RNGTT: variants seen among roughly 807,000 people sequenced by gnomAD.
RNGTT encodes the protein mRNA-capping enzyme.
In RNGTT, 33 loss-of-function variants were observed where a neutral mutation model predicts 79.3. The observed-to-expected ratio is 0.42, with a 90% CI of 0.32 to 0.56. The LOEUF is 0.56. Among genes scored for constraint, RNGTT ranks in the 20% least tolerant of loss-of-function variants. RNGTT has a pLI of 0.17. For synonymous variants in RNGTT, 222 were observed against 235.9 expected (o/e 0.94, Z 0.54); for missense variants, 497 against 739.1 (o/e 0.67, Z 3.80).
chr6:88,828,872 G>C (rs1288003265), intron 11 of RNGTT, among the ~76,000 whole-genome samples: 1 of 151,982 alleles, frequency 6.6e-6, no homozygotes, highest in Non-Finnish European at 1.5e-5. Flanking sequence ...AAGCCTCCAA[G>C]AAATATGGGA....
At chr6:88,959,365 G>A (rs1330337524) in intron 1 of RNGTT, among the ~76,000 whole-genome samples, 2 of 152,178 alleles carry the variant, frequency 1.3e-5, no homozygotes, top group South Asian at 2.1e-4. Context: ...ACATAAAAAT[G>A]TTTTTTAAAA....
chr6:88,705,283 A>G lies in RNGTT; in HGVS notation c.1440-26864T>C, dbSNP rs150294613. 3.1e-4 allele frequency among the ~76,000 whole-genome samples: 47 copies of G among 152,306 alleles called. No individual in the cohort carries two copies. The East Asian group carries it at 7.9e-3, about 26-fold the overall frequency. On this transcript the variant is annotated intron_variant, in intron 13 of 15. Coordinates refer to ENST00000369485, the MANE Select transcript of RNGTT (RefSeq NM_003800.5). The stretch of plus-strand genomic sequence containing the variant: ...CGGTAGATAAGAAAAAGCAACACAA[A>G]CAAAAAATGACACATATCTCCTTGT...
intron 12 of RNGTT, among the ~76,000 whole-genome samples, chr6:88,795,070 T>C (rs554213517): frequency 6.6e-6 from 1 of 152,328 alleles, no homozygotes; most frequent in Non-Finnish European, 1.5e-5. Flanking sequence ...CAAAGGTGTA[T>C]CACTTCTGAC....
chr6:88,787,485 C>T (rs1239228218), intron 12 of RNGTT, among the ~76,000 whole-genome samples: 2 of 152,028 alleles, frequency 1.3e-5, no homozygotes, highest in African/African-American at 4.8e-5. Context: ...ATGGTGAAAC[C>T]CCGTCTCTAC....
chr6:88,663,870 G>A (rs1228908077), intron 14 of RNGTT, among the ~76,000 whole-genome samples: 2 of 152,132 alleles, frequency 1.3e-5, no homozygotes, highest in Non-Finnish European at 2.9e-5. Context: ...TACCTCTGCC[G>A]ATCTCCTCAA....
At chr6:88,706,487 T>C (rs990762567) in intron 13 of RNGTT, among the ~76,000 whole-genome samples, 51 of 152,158 alleles carry the variant, frequency 3.4e-4, no homozygotes, top group African/African-American at 1.1e-3. Context: ...CACTAATAGA[T>C]TCCTTGTCAG....
intron 12 of RNGTT, among the ~76,000 whole-genome samples, chr6:88,779,647 G>A (rs932507044): frequency 6.6e-6 from 1 of 152,024 alleles, no homozygotes; most frequent in South Asian, 2.1e-4. Context: ...TACTAGACTT[G>A]ATATTATTAG....
At chr6:88,815,936 A>T (rs545416472) in intron 11 of RNGTT, among the ~76,000 whole-genome samples, 1 of 152,224 alleles carries the variant, frequency 6.6e-6, no homozygotes, top group African/African-American at 2.4e-5. Flanking sequence ...ACTTTCCACA[A>T]TATAAAAAAG....
At chr6:88,931,293 TATA>T (rs899881490) in intron 2 of RNGTT, among the ~76,000 whole-genome samples, 2 of 151,256 alleles carry the variant, frequency 1.3e-5, no homozygotes, top group African/African-American at 4.9e-5. Context: ...GACCAGCATA[TATA>T]ATGTGCTACC....
chr6:88,836,378 C>T (rs965755000), intron 11 of RNGTT, among the ~76,000 whole-genome samples: 1 of 151,934 alleles, frequency 6.6e-6, no homozygotes, highest in Non-Finnish European at 1.5e-5. Flanking sequence ...AATTTTAAAA[C>T]TCTCACAATC....
At chr6:88,891,516 TGA>T (rs1228390604) in intron 7 of RNGTT, among the ~76,000 whole-genome samples, 1 of 152,126 alleles carries the variant, frequency 6.6e-6, no homozygotes, top group Non-Finnish European at 1.5e-5. Flanking sequence ...CTTATCAAAT[TGA>T]GAGACTAGCT....
At chr6:88,648,903 G>C (rs1225110324) in intron 14 of RNGTT, among the ~76,000 whole-genome samples, 1 of 152,172 alleles carries the variant, frequency 6.6e-6, no homozygotes, top group African/African-American at 2.4e-5. Context: ...GTTGAAGGCA[G>C]ATAAAATGTT....
At chr6:88,739,355 A>C (rs1777392147) in intron 13 of RNGTT, among the ~76,000 whole-genome samples, 1 of 152,094 alleles carries the variant, frequency 6.6e-6, no homozygotes, top group Non-Finnish European at 1.5e-5. Flanking sequence ...TTTTTGAGGC[A>C]AGCAAGGGAA....
intron 12 of RNGTT, among the ~76,000 whole-genome samples, chr6:88,801,169 A>C (rs562709789): frequency 1.4e-4 from 22 of 152,264 alleles, no homozygotes; most frequent in Non-Finnish European, 2.1e-4. Flanking sequence ...AGTAAACTAC[A>C]GCAAAATGAA....
intron 14 of RNGTT, among the ~76,000 whole-genome samples, chr6:88,619,776 A>G (rs2127765341): frequency 1.3e-5 from 2 of 152,290 alleles, no homozygotes; most frequent in African/African-American, 4.8e-5. Context: ...TCTCAAGTAA[A>G]TGAACTCAAA....
intron 14 of RNGTT, among the ~76,000 whole-genome samples, chr6:88,620,749 A>G (rs1438168496): frequency 6.6e-6 from 1 of 152,210 alleles, no homozygotes; most frequent in Admixed American, 6.5e-5. Context: ...GCATTGTGGA[A>G]TATTTTACAT....
intron 12 of RNGTT, among the ~76,000 whole-genome samples, chr6:88,774,261 T>A (rs1048799955): frequency 4.0e-5 from 6 of 151,686 alleles, no homozygotes; most frequent in African/African-American, 1.5e-4. Flanking sequence ...CAAAATCAAA[T>A]GGAGATACCA....
At chr6:88,743,504 C>T (rs1251556339) in intron 13 of RNGTT, among the ~76,000 whole-genome samples, 2 of 152,128 alleles carry the variant, frequency 1.3e-5, no homozygotes, top group Non-Finnish European at 2.9e-5. Context: ...CCCACTCCCT[C>T]CAGCCCCTGG....
intron 13 of RNGTT, among the ~76,000 whole-genome samples, chr6:88,695,255 C>G (rs757449382): frequency 6.6e-6 from 1 of 151,842 alleles, no homozygotes; most frequent in Non-Finnish European, 1.5e-5. Flanking sequence ...TATCTGTAAG[C>G]GAGACATTTG....
Sources: allele counts gnomAD v4.1 joint callset (sites outside exome capture counted in the v4.1 genomes callset), GRCh38; gene constraint gnomAD v4.1.1; transcripts MANE v1.5; gene names NCBI Gene and HGNC (gene_info 2026-07-23, HGNC 2026-07-21).